DNAH7: variants seen among roughly 807,000 people sequenced by gnomAD.
DNAH7 encodes the protein dynein axonemal heavy chain 7.
Under a neutral mutation model 444.6 loss-of-function variants are expected in DNAH7, and 397 were observed. That is an observed-to-expected ratio of 0.89 (90% CI 0.82 to 0.97). DNAH7 has a LOEUF of 0.97. Ranked by LOEUF, DNAH7 falls within the 50% of genes least tolerant of loss-of-function variation. The pLI is 0.00. For synonymous variants in DNAH7, 1,636 were observed against 1,624.4 expected (o/e 1.01, Z -0.17); for missense variants, 4,902 against 4,800.8 (o/e 1.02, Z -0.62).
At chr2:195,794,065 G>A (rs1028204971) in intron 57 of DNAH7, among the ~76,000 whole-genome samples, 1 of 152,128 alleles carries the variant, frequency 6.6e-6, no homozygotes, top group African/African-American at 2.4e-5. Flanking sequence ...ACTGGGAATG[G>A]CTTACAGCTG....
rs755807697 is a variant in DNAH7 at position 196,047,515 on chromosome 2, A to C, written c.251-16T>G. On this transcript the variant is annotated splice_polypyrimidine_tract_variant and intron_variant, in intron 4 of 64. Transcript: ENST00000312428. ...ATGTATTCAGCTTAAATTAAAACAA[A>C]AAAAAAAGCACAATTATTCATCTAA... 12 of 1,522,034 alleles carry C rather than the reference A, an allele frequency of 7.9e-6. No individual in the cohort carries two copies. Among genetic ancestry groups the C allele is most frequent in the African/African-American group, 2.8e-5 (2 of 71,732 alleles). 94.3% of individuals were successfully genotyped at this position (1,522,034 alleles called of 1,614,324 possible).
chr2:195,855,942 C>T lies in DNAH7; in HGVS notation c.8464G>A (p.Gly2822Arg), dbSNP rs62624462. The change falls in exon 45 of 65, where the codon GGG (glycine) becomes AGG (arginine). Residue 2822 changes from glycine to arginine, a missense_variant. Gly to Arg is a moderately radical substitution (Grantham distance 125). Coordinates refer to ENST00000312428, the MANE Select transcript of DNAH7 (RefSeq NM_018897.3). The stretch of plus-strand genomic sequence containing the variant: ...CCATCCATGGCAATTTTAAGCTCCC[C>T]TTCAGCTGCAGCCAGTTTTATCTTT... ...PKKIKLAAAEGELKIAMDGLR... is the reference protein window; with the variant it reads ...PKKIKLAAAERELKIAMDGLR... The T allele has an allele frequency of 1.3e-3, 2,095 of 1,613,868 alleles. 25 individuals carry two copies. In the African/African-American group the frequency reaches 0.025, roughly 20 times the overall value.
At chr2:195,944,286 G>T (rs1689655642) in intron 19 of DNAH7, among the ~76,000 whole-genome samples, 1 of 152,094 alleles carries the variant, frequency 6.6e-6, no homozygotes, top group Non-Finnish European at 1.5e-5. Context: ...ATCCAATCAA[G>T]GATTTTCTAC....
At chr2:195,924,538 G>A (rs1040431014) in intron 22 of DNAH7, among the ~76,000 whole-genome samples, 4 of 151,696 alleles carry the variant, frequency 2.6e-5, no homozygotes, top group Non-Finnish European at 4.4e-5. Context: ...AGGTTGCAGT[G>A]AGCCAAGATC....
chr2:195,866,106 T>C (rs1239254605), intron 40 of DNAH7, among the ~76,000 whole-genome samples: 1 of 152,204 alleles, frequency 6.6e-6, no homozygotes, highest in Non-Finnish European at 1.5e-5. Context: ...TGCTCTACCA[T>C]TTTGAGTAAA....
intron 51 of DNAH7, among the ~76,000 whole-genome samples, chr2:195,813,820 T>C (rs1365441364): frequency 3.3e-5 from 5 of 152,220 alleles, no homozygotes. Flanking sequence ...TGGGAAAAGA[T>C]GTAGTTTTTA....
At chr2:195,843,005 G>A (rs1392227158) in intron 47 of DNAH7, among the ~76,000 whole-genome samples, 1 of 152,156 alleles carries the variant, frequency 6.6e-6, no homozygotes, top group Non-Finnish European at 1.5e-5. Flanking sequence ...GTTCACAAGA[G>A]CTTGAGAAGA....
chr2:195,878,591 C>A lies in DNAH7; in HGVS notation c.5962-1892G>T, dbSNP rs138028029. Among the ~76,000 whole-genome samples the A allele has an allele frequency of 1.4e-3, 213 of 152,196 alleles. 1 individual carries two copies. The Middle Eastern group carries it at 0.024, about 17-fold the overall frequency. On this transcript the variant is annotated intron_variant, in intron 36 of 64. Coordinates refer to ENST00000312428, the MANE Select transcript of DNAH7 (RefSeq NM_018897.3). Reference sequence around the variant, plus strand: ...TTCCAGCCTAGGGGACAGAGCAAGACCCTGTCTCTCAAAAATAATAAAATA... The same window carrying A: ...TTCCAGCCTAGGGGACAGAGCAAGAACCTGTCTCTCAAAAATAATAAAATA...
At chr2:196,040,759 G>C (rs150332961) in intron 5 of DNAH7, among the ~76,000 whole-genome samples, 298 of 151,994 alleles carry the variant, frequency 2.0e-3, no homozygotes, top group African/African-American at 6.8e-3. Context: ...ATCCTAATTG[G>C]AAAGGTAGAA....
intron 57 of DNAH7, among the ~76,000 whole-genome samples, chr2:195,792,781 C>T (rs1695947303): frequency 6.6e-6 from 1 of 151,568 alleles, no homozygotes; most frequent in Non-Finnish European, 1.5e-5. Context: ...AATTTACATG[C>T]ACCTGATGTG....
chr2:195,801,177 T>C (rs1696431107), intron 54 of DNAH7, among the ~76,000 whole-genome samples: 1 of 152,154 alleles, frequency 6.6e-6, no homozygotes, highest in Non-Finnish European at 1.5e-5. Flanking sequence ...CTCTTCTTTA[T>C]AAGTGACGAA....
chr2:195,862,098 G>C (rs546598239), intron 41 of DNAH7, 152 bp from the exon 42 acceptor site: 1 of 646,558 alleles, frequency 1.5e-6, no homozygotes, highest in African/African-American at 1.8e-5. Flanking sequence ...AAACTTTCCC[G>C]AGGACTTGCA....
rs17627168 is a variant in DNAH7, at chr2:195,800,963, T to C, written c.10177-1491A>G. Among the ~76,000 whole-genome samples the C allele has an allele frequency of 0.019, 2,935 of 152,276 alleles. 231 individuals are homozygous for C. In the East Asian group the frequency reaches 0.26, roughly 14 times the overall value. On this transcript the variant is annotated intron_variant, in intron 54 of 64. Coordinates refer to ENST00000312428, the MANE Select transcript of DNAH7 (RefSeq NM_018897.3). The stretch of plus-strand genomic sequence containing the variant: ...ACTATTATGCTTCTCTTTTCCTATA[T>C]CCAGTACTTCTGTGCTGACAAAACA...
At chr2:195,738,237 T>A in intron 64 of DNAH7, 110 bp from the exon 65 acceptor site, 1 of 908,036 alleles carries the variant, frequency 1.1e-6, no homozygotes, top group Non-Finnish European at 1.7e-6. Context: ...CAGATTTCTG[T>A]GGCCCAAATT....
At position 195,887,485 on chromosome 2, in the gene DNAH7, C is replaced by T. The variant is rs568308745; in HGVS notation, c.5406+773G>A. 4.6e-5 allele frequency among the ~76,000 whole-genome samples: 7 copies of T among 152,216 alleles called. No homozygotes were observed. In the South Asian group the frequency reaches 1.0e-3, roughly 23 times the overall value. On this transcript the variant is annotated intron_variant, in intron 33 of 64. Transcript: ENST00000312428. ...CATGTACCTGTGAGTCTATCTCTTG[C>T]TCTCTTCTTTTTTTCTCTGGATTTT...
intron 61 of DNAH7, among the ~76,000 whole-genome samples, chr2:195,769,652 A>C (rs1245497666): frequency 3.9e-5 from 6 of 152,062 alleles, no homozygotes; most frequent in Non-Finnish European, 7.4e-5. Flanking sequence ...CTGCCTGGAC[A>C]TTATGACTTC....
In DNAH7 at chr2:195,972,455, C is replaced by G; in HGVS notation, c.1845G>C (p.Gln615His). The change falls in exon 16 of 65, where the codon CAG (glutamine) becomes CAC (histidine). Residue 615 changes from glutamine to histidine, a missense_variant. Gln to His is a conservative substitution (Grantham distance 24). Transcript: ENST00000312428. ...CAATCATATCAGTTACCTCCACTTT[C>G]TGAATGTAAGCCTGAGGGAAAACAA... ...AELMEMKAYI[Q>H]KVEVTDMIEL... 1 of 1,613,918 alleles carries G rather than the reference C, an allele frequency of 6.2e-7. No individual in the cohort carries two copies. Among genetic ancestry groups the G allele is most frequent in the Non-Finnish European group, 8.5e-7 (1 of 1,179,884 alleles).
intron 39 of DNAH7, 112 bp downstream of exon 39, chr2:195,873,456 T>C: frequency 1.4e-6 from 1 of 695,764 alleles, no homozygotes; most frequent in African/African-American, 1.9e-5. Context: ...TCTGTTAACT[T>C]TTCCTTATCT....
At chr2:195,944,543 A>G (rs1689672468) in intron 19 of DNAH7, among the ~76,000 whole-genome samples, 1 of 152,116 alleles carries the variant, frequency 6.6e-6, no homozygotes, top group Non-Finnish European at 1.5e-5. Flanking sequence ...GGCTAAACAG[A>G]GTTTGAGGGT....
Sources: gnomAD v4.1 joint callset for allele counts (sites outside exome capture counted in the v4.1 genomes callset) on GRCh38, gnomAD v4.1.1 for gene constraint, MANE v1.5 for transcripts, NCBI Gene and HGNC (gene_info 2026-07-23, HGNC 2026-07-21) for gene names.